FAM222B: variants seen among roughly 807,000 people sequenced by gnomAD.
The protein encoded by FAM222B is protein FAM222B.
FAM222B carries 12 observed loss-of-function variants against 38.0 expected under a neutral mutation model. The observed-to-expected ratio is 0.32, with a 90% confidence interval of 0.20 to 0.51. The LOEUF (loss-of-function observed/expected upper bound fraction) is 0.51. Ranked by LOEUF, FAM222B falls within the 20% of genes least tolerant of loss-of-function variation. FAM222B has a pLI of 0.97. For missense variants in FAM222B, 716 were observed against 754.2 expected, an observed-to-expected ratio of 0.95 and a Z score of 0.59; for synonymous variants, 329 against 317.2, an observed-to-expected ratio of 1.04 and a Z score of -0.40.
chr17:28,768,976 A>C (rs2035478055), intron 1 of FAM222B, among the ~76,000 whole-genome samples: 1 of 151,810 alleles, frequency 6.6e-6, no homozygotes, highest in South Asian at 2.1e-4. Flanking sequence ...AAGTACTGGG[A>C]GCTAAAACTG....
intron 1 of FAM222B, among the ~76,000 whole-genome samples, chr17:28,840,967 C>CA (rs1003295901): frequency 1.3e-5 from 2 of 149,208 alleles, no homozygotes; most frequent in Non-Finnish European, 3.0e-5. Context: ...TCACCCACCT[C>CA]AAAAAAAATT....
At chr17:28,826,662 C>T (rs561703198) in intron 1 of FAM222B, among the ~76,000 whole-genome samples, 1 of 116,182 alleles carries the variant, frequency 8.6e-6, no homozygotes, top group South Asian at 2.7e-4. Context: ...GCCTGGGCAA[C>T]AAGAGCAGAA....
intron 1 of FAM222B, among the ~76,000 whole-genome samples, chr17:28,850,246 C>T (rs1484290748): frequency 6.6e-6 from 1 of 152,034 alleles, no homozygotes; most frequent in South Asian, 2.1e-4. Flanking sequence ...TTTTTCCTTC[C>T]ACTCTGGGTA....
At position 28,766,590 on chromosome 17, in the gene FAM222B, C is replaced by T. The variant is rs201191388; in HGVS notation, c.78G>A (p.Gln26=). Residue 26 remains glutamine (Q), a synonymous_variant, in exon 2 of 3, where the codon CAG becomes CAA. Coordinates refer to ENST00000581407, the MANE Select transcript of FAM222B (RefSeq NM_001077498.3). ...CATAGGATCCAGATTACTTACATTT[C>T]TGAAGTCCAGTGTTCATCTGCGTGT... ...LSHTQMNTGL[Q]KWDTTQKMRT... 5 of 1,596,500 alleles carry T rather than the reference C, an allele frequency of 3.1e-6. No individual in the cohort carries two copies. The African/African-American group carries it at 5.4e-5, about 17-fold the overall frequency.
intron 1 of FAM222B, among the ~76,000 whole-genome samples, chr17:28,768,090 A>C (rs1037200910): frequency 6.6e-6 from 1 of 152,216 alleles, no homozygotes; most frequent in Non-Finnish European, 1.5e-5. Flanking sequence ...GTAGCGAAAG[A>C]AGCCCTGTCA....
intron 1 of FAM222B, among the ~76,000 whole-genome samples, chr17:28,768,836 CAAAAAAAAAAA>C (rs71359249): frequency 3.4e-4 from 24 of 70,880 alleles, no homozygotes; most frequent in Non-Finnish European, 5.6e-4. Context: ...AACTCTGTCT[CAAAAAAAAAAA>C]AAAAAAAAAA....
intron 1 of FAM222B, among the ~76,000 whole-genome samples, chr17:28,840,315 G>A (rs1012254015): frequency 2.6e-5 from 4 of 152,032 alleles, no homozygotes; most frequent in Non-Finnish European, 4.4e-5. Flanking sequence ...GCAATGAGCC[G>A]AGATTGCGCT....
At chr17:28,808,337 G>A (rs1326119456) in intron 1 of FAM222B, among the ~76,000 whole-genome samples, 1 of 152,190 alleles carries the variant, frequency 6.6e-6, no homozygotes, top group Non-Finnish European at 1.5e-5. Context: ...GATGAAGAGA[G>A]AACCATACAT....
chr17:28,827,228 G>A (rs1312553638), intron 1 of FAM222B, among the ~76,000 whole-genome samples: 1 of 152,012 alleles, frequency 6.6e-6, no homozygotes, highest in Admixed American at 6.6e-5. Flanking sequence ...ACGCTGGCTT[G>A]CATCTGTAGT....
chr17:28,799,477 G>A lies in FAM222B; in HGVS notation c.-40-32770C>T, dbSNP rs143490614. ...CACGACCGGCTAATTTTTTTTTGTT[G>A]TTGTTGTATTTTTAGTAGAGACGGG... On this transcript the variant is annotated intron_variant, in intron 1 of 2. Coordinates refer to ENST00000581407, the MANE Select transcript of FAM222B (RefSeq NM_001077498.3). Among the ~76,000 whole-genome samples, 231 of 145,396 alleles carry A rather than the reference G, an allele frequency of 1.6e-3. 1 individual carries two copies. The highest frequency in any genetic ancestry group is 5.6e-3 in the African/African-American group (219 of 39,352).
At chr17:28,767,030 G>A (rs931011662) in intron 1 of FAM222B, 7 of 193,586 alleles carry the variant, frequency 3.6e-5, no homozygotes, top group Non-Finnish European at 7.4e-5. Context: ...GCCCTCATAG[G>A]GCCTGGCTCA....
At chr17:28,806,720 C>A (rs1209458317) in intron 1 of FAM222B, among the ~76,000 whole-genome samples, 1 of 152,108 alleles carries the variant, frequency 6.6e-6, no homozygotes, top group East Asian at 1.9e-4. Context: ...GTGTTTGGAT[C>A]CCCTTCACAA....
intron 1 of FAM222B, among the ~76,000 whole-genome samples, chr17:28,826,917 G>T (rs1436782158): frequency 3.3e-5 from 5 of 152,120 alleles, no homozygotes; most frequent in African/African-American, 4.8e-5. Context: ...GAGGTGGGAA[G>T]ATCACTTGAG....
At chr17:28,797,537 T>C (rs1208481974) in intron 1 of FAM222B, among the ~76,000 whole-genome samples, 1 of 152,124 alleles carries the variant, frequency 6.6e-6, no homozygotes, top group Non-Finnish European at 1.5e-5. Context: ...GGAAAAGGGT[T>C]TTTTTCAGTA....
intron 1 of FAM222B, chr17:28,854,924 TC>T: frequency 7.9e-7 from 1 of 1,261,198 alleles, no homozygotes. Context: ...CCCATGTGTC[TC>T]GGCTTTCAAT....
chr17:28,769,339 C>T (rs902227006), intron 1 of FAM222B, among the ~76,000 whole-genome samples: 4 of 151,988 alleles, frequency 2.6e-5, no homozygotes, highest in African/African-American at 4.8e-5. Flanking sequence ...CCACCATGCC[C>T]GGATAATTTT....
chr17:28,841,763 C>T (rs2039044794), intron 1 of FAM222B, among the ~76,000 whole-genome samples: 1 of 152,284 alleles, frequency 6.6e-6, no homozygotes, highest in East Asian at 1.9e-4. Context: ...AATAGATTGG[C>T]CCTCCATCCT....
intron 1 of FAM222B, among the ~76,000 whole-genome samples, chr17:28,825,101 C>G (rs1272042306): frequency 2.6e-5 from 4 of 151,588 alleles, no homozygotes; most frequent in African/African-American, 9.7e-5. Flanking sequence ...AACATTCTTT[C>G]TAGTCACAAA....
intron 1 of FAM222B, among the ~76,000 whole-genome samples, chr17:28,854,574 T>A (rs1485217356): frequency 1.3e-5 from 2 of 152,010 alleles, no homozygotes; most frequent in African/African-American, 4.8e-5. Context: ...GCAAGCCAAA[T>A]TAAGGCTGGG....
Sources: gnomAD v4.1 joint callset for allele counts (sites outside exome capture counted in the v4.1 genomes callset) on GRCh38, gnomAD v4.1.1 for gene constraint, MANE v1.5 for transcripts, NCBI Gene and HGNC (gene_info 2026-07-23, HGNC 2026-07-21) for gene names.